Variants in SYT7 observed in about 807,000 individuals in gnomAD.
SYT7 encodes synaptotagmin 7.
SYT7 carries 29 observed loss-of-function variants against 75.1 expected under a neutral mutation model. That is an observed-to-expected ratio of 0.39 (90% CI 0.29 to 0.53). SYT7 has a LOEUF of 0.53. SYT7 is among the 20% of genes least tolerant of loss of function. The probability of loss-of-function intolerance (pLI) is 0.77; values close to 1 mark genes in which losing one functional copy is unlikely to be tolerated. For missense variants in SYT7, 693 were observed against 953.2 expected (o/e 0.73, Z 3.59); for synonymous variants, 376 against 401.7 (o/e 0.94, Z 0.76).
intron 6 of SYT7, chr11:61,540,468 C>A: frequency 1.0e-6 from 1 of 964,888 alleles, no homozygotes; most frequent in African/African-American, 1.8e-5. Context: ...TCTTGCAAAG[C>A]CTAAATTATT....
Position 61,523,116 on chromosome 11 carries a change from T to C in SYT7, c.1915A>G (p.Met639Val). 1 of 1,614,184 alleles carries C rather than the reference T, an allele frequency of 6.2e-7. No individual in the cohort carries two copies. The highest frequency in any genetic ancestry group is 8.5e-7 in the Non-Finnish European group (1 of 1,180,032). Residue 639 changes from methionine (M) to valine (V), a missense_variant, in exon 12 of 13, where the codon ATG (methionine) becomes GTG (valine). This residue lies in a region of SYT7 where 206 missense variants were observed against 360.0 expected (regional missense o/e 0.57). Coordinates refer to ENST00000539008, the MANE Select transcript of SYT7 (RefSeq NM_001365809.2). The surrounding 1 kb of genome is among the most constrained non-coding windows in gnomAD (Gnocchi z 5.0). Reference sequence around the variant, plus strand: ...TTGCGGCTGAGCTTGTCCTTGTCCATGACAGTGATGATGATGGTCGTCTCC... The same window carrying C: ...TTGCGGCTGAGCTTGTCCTTGTCCACGACAGTGATGATGATGGTCGTCTCC... ...LRETTIIITV[M>V]DKDKLSRNDV...
Position 61,532,968 on chromosome 11 carries a change from CG to C in SYT7, c.1200+20del, listed in dbSNP as rs1565174452. The C allele has an allele frequency of 6.2e-7, 1 of 1,611,804 alleles. No individual in the cohort carries two copies. Among genetic ancestry groups the C allele is most frequent in the African/African-American group, 1.3e-5 (1 of 74,944 alleles). On this transcript the variant is annotated intron_variant, in intron 8 of 12. Coordinates refer to ENST00000539008, the MANE Select transcript of SYT7 (RefSeq NM_001365809.2). ...CTCCCAGCCCAGTTCCTTGGAGCAGCGCAGGCTCCCTCATTCTCACCATGAG... is the reference window on the plus strand; with the variant it reads ...CTCCCAGCCCAGTTCCTTGGAGCAGCCAGGCTCCCTCATTCTCACCATGAG...
At chr11:61,587,699 C>G in the SYT7 span, among the ~76,000 whole-genome samples, 1 of 152,226 alleles carries the variant, frequency 6.6e-6, no homozygotes, top group Admixed American at 6.5e-5. Context: ...AAACGCCCGG[C>G]CTGGGCTCGA....
In SYT7 at chr11:61,548,550, G is replaced by A. The variant is rs1043537873; in HGVS notation, c.216-1242C>T. Among the ~76,000 whole-genome samples the A allele has an allele frequency of 2.6e-5, 4 of 152,180 alleles. No homozygotes were observed. The East Asian group carries it at 5.8e-4, about 22-fold the overall frequency. On this transcript the variant is annotated intron_variant, in intron 3 of 12. Coordinates refer to ENST00000539008, the MANE Select transcript of SYT7 (RefSeq NM_001365809.2). Reference sequence around the variant, plus strand: ...GGAAGGCAGCCATGTTTCAGGCATGGGAATGTTTCTAGGGAAGGGGCCCCA... The same window carrying A: ...GGAAGGCAGCCATGTTTCAGGCATGAGAATGTTTCTAGGGAAGGGGCCCCA...
rs563652957 is a variant in SYT7, at chr11:61,552,130, G to A, written c.136-667C>T. Among the ~76,000 whole-genome samples, 5 of 152,260 alleles carry A rather than the reference G, an allele frequency of 3.3e-5. No individual in the cohort carries two copies. The South Asian group carries it at 6.2e-4, about 19-fold the overall frequency. On this transcript the variant is annotated intron_variant, in intron 2 of 12. Transcript: ENST00000539008. ...GAGTCCCTCACACTAGCAGGGGGAG[G>A]GAGGGAGCAGGGCAGCGGGTGGGTA...
chr11:61,555,355 C>A (rs1053011193), intron 2 of SYT7, among the ~76,000 whole-genome samples: 1 of 152,230 alleles, frequency 6.6e-6, no homozygotes, highest in Non-Finnish European at 1.5e-5. Flanking sequence ...CTGGGCCGGG[C>A]GGCAGGAGTG....
At chr11:61,567,668 C>A (rs886314577) in intron 1 of SYT7, among the ~76,000 whole-genome samples, 1 of 152,256 alleles carries the variant, frequency 6.6e-6, no homozygotes, top group Non-Finnish European at 1.5e-5. Flanking sequence ...AAATACCACG[C>A]CCCATTCCCT....
At chr11:61,587,276 C>G in the SYT7 span, among the ~76,000 whole-genome samples, 1 of 152,214 alleles carries the variant, frequency 6.6e-6, no homozygotes, top group Non-Finnish European at 1.5e-5. Flanking sequence ...CGGTCAAGCC[C>G]CGCTCCTCTC....
intron 2 of SYT7, among the ~76,000 whole-genome samples, chr11:61,554,413 C>T (rs915467099): frequency 2.6e-5 from 4 of 152,106 alleles, no homozygotes; most frequent in South Asian, 2.1e-4. Flanking sequence ...CATCCCACCA[C>T]TGAGGGGTGA....
Position 61,516,928 on chromosome 11 carries a change from T to C in SYT7, c.*1699A>G. The C allele has an allele frequency of 4.1e-6, 1 of 243,772 alleles. No individual in the cohort carries two copies. Among genetic ancestry groups the C allele is most frequent in the Non-Finnish European group, 7.8e-6 (1 of 127,978 alleles). 15.1% of individuals were successfully genotyped at this position (243,772 alleles called of 1,614,324 possible). On this transcript the variant is annotated 3_prime_UTR_variant, in exon 13 of 13. Coordinates refer to ENST00000539008, the MANE Select transcript of SYT7 (RefSeq NM_001365809.2). This position sits in a 1 kb window ranked among gnomAD's most constrained non-coding sequence, Gnocchi z 4.6. ...CCGTCTACTGCAGCAAGCAGAATGCTCAGCTCAAGGGGAAGCCGTTCGAAG... is the reference window on the plus strand; with the variant it reads ...CCGTCTACTGCAGCAAGCAGAATGCCCAGCTCAAGGGGAAGCCGTTCGAAG...
chr11:61,553,719 G>A lies in SYT7; in HGVS notation c.136-2256C>T, dbSNP rs553163172. ...GCTCCAAAGCAGCCCAACACCACCA[G>A]CCTGCTTCTCAGGGAGGGGTGGCCA... is the stretch of plus-strand genomic sequence containing the variant. On this transcript the variant is annotated intron_variant, in intron 2 of 12. Coordinates refer to ENST00000539008, the MANE Select transcript of SYT7 (RefSeq NM_001365809.2). This position sits in a 1 kb window ranked among gnomAD's most constrained non-coding sequence, Gnocchi z 5.2. 1.3e-5 allele frequency among the ~76,000 whole-genome samples: 2 copies of A among 152,354 alleles called. No homozygotes were observed. Among genetic ancestry groups the A allele is most frequent in the South Asian group, 4.1e-4 (2 of 4,832 alleles).
At chr11:61,555,355 C>T (rs1053011193) in intron 2 of SYT7, among the ~76,000 whole-genome samples, 4 of 152,230 alleles carry the variant, frequency 2.6e-5, no homozygotes, top group African/African-American at 9.6e-5. Flanking sequence ...CTGGGCCGGG[C>T]GGCAGGAGTG....
intron 4 of SYT7, 50 bp downstream of exon 4, chr11:61,547,127 G>A (rs1018815126): frequency 6.6e-7 from 1 of 1,526,384 alleles, no homozygotes; most frequent in African/African-American, 1.4e-5. Context: ...GGGAAGGAGG[G>A]CGTGCGCGGA....
At chr11:61,583,622 G>A (rs531076710), upstream of SYT7, among the ~76,000 whole-genome samples, 12 of 152,340 alleles carry the variant, frequency 7.9e-5, no homozygotes, top group East Asian at 2.3e-3. Context: ...TGGGATTCAT[G>A]AGGAGACCCA....
At chr11:61,564,107 A>AAC (rs2063706760) in intron 1 of SYT7, among the ~76,000 whole-genome samples, 1 of 152,128 alleles carries the variant, frequency 6.6e-6, no homozygotes, top group Admixed American at 6.5e-5. Flanking sequence ...AAGCAGGGGC[A>AAC]ACAGGATAAT....
intron 6 of SYT7, chr11:61,541,191 T>C: frequency 1.0e-6 from 1 of 985,650 alleles, no homozygotes; most frequent in Non-Finnish European, 1.2e-6. Flanking sequence ...TGCCAATGCT[T>C]CCCTTTCCTC....
intron 6 of SYT7, among the ~76,000 whole-genome samples, chr11:61,538,495 A>G (rs1391717184): frequency 3.9e-5 from 6 of 152,144 alleles, no homozygotes; most frequent in Non-Finnish European, 8.8e-5. Flanking sequence ...TGCAGGATAG[A>G]GTGGGGAGAG....
At chr11:61,570,685 A>G (rs2063897957) in intron 1 of SYT7, among the ~76,000 whole-genome samples, 1 of 152,216 alleles carries the variant, frequency 6.6e-6, no homozygotes, top group African/African-American at 2.4e-5. Flanking sequence ...CCAAGGTCCC[A>G]GAACAGCCCT....
intron 1 of SYT7, among the ~76,000 whole-genome samples, chr11:61,578,796 A>G (rs975151972): frequency 6.6e-6 from 1 of 152,182 alleles, no homozygotes; most frequent in Non-Finnish European, 1.5e-5. Flanking sequence ...GAGAGGAGTC[A>G]GCCTCAGGCC....
Sources: gnomAD v4.1 joint callset for allele counts (sites outside exome capture counted in the v4.1 genomes callset) on GRCh38, gnomAD v4.1.1 for gene constraint, gnomAD v4.1.1 regional missense constraint, Gnocchi (gnomAD v3.1) non-coding constraint, MANE v1.5 for transcripts, NCBI Gene and HGNC (gene_info 2026-07-23, HGNC 2026-07-21) for gene names.